The following NTRK1 variants were observed in gnomAD, a reference collection of about 807,000 sequenced individuals.
The protein encoded by NTRK1 is high affinity nerve growth factor receptor.
A neutral mutation model predicts 86.8 loss-of-function variants in NTRK1; 62 were observed. The observed-to-expected ratio is 0.71, with a 90% CI of 0.58 to 0.88. The LOEUF is 0.88. Among genes scored for constraint, NTRK1 ranks in the 40% least tolerant of loss-of-function variants. NTRK1 has a pLI of 0.00. For synonymous variants in NTRK1, 469 were observed against 456.6 expected (o/e 1.03, Z -0.35); for missense variants, 967 against 1,078.4 (o/e 0.90, Z 1.45).
chr1:156,823,166 G>T (rs1654233517), intron 1 of NTRK1, among the ~76,000 whole-genome samples: 1 of 152,182 alleles, frequency 6.6e-6, no homozygotes, highest in African/African-American at 2.4e-5. Flanking sequence ...CAAATAAGTT[G>T]CTGGATGTAA....
In NTRK1 at chr1:156,844,628, A is replaced by G. The variant is rs766331625; in HGVS notation, c.50+2435A>G. 15 of 1,614,026 alleles carry G rather than the reference A, an allele frequency of 9.3e-6. No homozygotes were observed. In the East Asian group the frequency reaches 3.3e-4, roughly 36 times the overall value. ...ACACACACAGCACTGTGGCCTCCTG[A>G]GAGTAACGCAGAACAGCTGGCTGGG... On this transcript the variant is annotated intron_variant, in intron 2 of 16. Coordinates refer to the NTRK1 transcript ENST00000392302.
At chr1:156,853,840 C>A in intron 2 of NTRK1, 1 of 1,613,912 alleles carries the variant, frequency 6.2e-7, no homozygotes, top group Non-Finnish European at 8.5e-7. Context: ...CAGCACCCAG[C>A]ACACCAGGGC....
intron 1 of NTRK1, among the ~76,000 whole-genome samples, chr1:156,834,649 G>A (rs2102845248): frequency 6.6e-6 from 1 of 152,088 alleles, no homozygotes; most frequent in Non-Finnish European, 1.5e-5. Flanking sequence ...AAAACTCTTT[G>A]CCACTATAAA....
intron 2 of NTRK1, chr1:156,849,221 A>G (rs1655118987): frequency 6.2e-7 from 1 of 1,611,166 alleles, no homozygotes; most frequent in East Asian, 2.2e-5. Context: ...CCGCGTGTCC[A>G]CCGGCACTGG....
At chr1:156,865,614 G>A (rs542342236) in intron 3 of NTRK1, among the ~76,000 whole-genome samples, 9 of 152,282 alleles carry the variant, frequency 5.9e-5, no homozygotes, top group Non-Finnish European at 1.2e-4. Flanking sequence ...TTAAGAGTCA[G>A]GGTCTCCCTC....
rs372329556 is a variant in NTRK1 at position 156,844,261 on chromosome 1, C to A, written c.50+2068C>A. On this transcript the variant is annotated intron_variant, in intron 2 of 16. Transcript: ENST00000392302. ...GGGTGGCAGTGAGGAGGACATGCAG[C>A]CCCCCAGCATCCTCCTCCTCTGGCA... is the stretch of plus-strand genomic sequence containing the variant. 6 of 1,612,890 alleles carry A rather than the reference C, an allele frequency of 3.7e-6. No homozygotes were observed. In the African/African-American group the frequency reaches 4.0e-5, roughly 11 times the overall value.
intron 1 of NTRK1, among the ~76,000 whole-genome samples, chr1:156,819,728 A>T (rs1437424207): frequency 2.6e-5 from 4 of 151,934 alleles, no homozygotes; most frequent in Non-Finnish European, 1.5e-5. Flanking sequence ...CATGTTGGTC[A>T]GGCTGGTCTG....
chr1:156,861,206 G>A (rs1340567622), intron 1 of NTRK1, 60 bp downstream of exon 1: 2 of 1,513,538 alleles, frequency 1.3e-6, no homozygotes, highest in Non-Finnish European at 1.8e-6. Flanking sequence ...AGTGCCCCGA[G>A]GGCGCGGACT....
chr1:156,840,802 G>A, intron 1 of NTRK1: 1 of 1,180,664 alleles, frequency 8.5e-7, no homozygotes, highest in Non-Finnish European at 1.2e-6. Context: ...GAACATTCAG[G>A]CGTCTCAGCC....
Position 156,871,722 on chromosome 1 carries a change from C to T in NTRK1, c.817C>T (p.Arg273Trp), listed in dbSNP as rs151334385. The T allele has an allele frequency of 2.2e-5, 35 of 1,614,036 alleles. No individual in the cohort carries two copies. The highest frequency in any genetic ancestry group is 8.3e-5 in the Admixed American group (5 of 60,002). Residue 273 changes from arginine to tryptophan, a missense_variant, in exon 7 of 17, where the codon CGG becomes TGG. Arg to Trp is a moderately radical substitution (Grantham distance 101). This residue lies in a region of NTRK1 where 637 missense variants were observed against 776.5 expected (regional missense o/e 0.82). Transcript: ENST00000524377. Reference protein sequence around the residue: ...VTCWAENDVGRAEVSVQVNVS... With the variant: ...VTCWAENDVGWAEVSVQVNVS... ...GTGCTGGGCAGAGAACGATGTGGGC[C>T]GGGCAGAGGTCTCTGTTCAGGTCAA...
Position 156,843,261 on chromosome 1 carries a change from G to A in NTRK1, c.50+1068G>A, listed in dbSNP as rs373273429. The A allele has an allele frequency of 2.4e-5, 38 of 1,604,642 alleles. No individual in the cohort carries two copies. In the East Asian group the frequency reaches 5.4e-4, roughly 23 times the overall value. ...GCAAGGAGGTGGAGGGTCACAAAGC[G>A]AGGATGCTGCTCTCTGCCACACCTC... On this transcript the variant is annotated intron_variant, in intron 2 of 16. Transcript: ENST00000392302.
chr1:156,845,011 A>T, intron 2 of NTRK1: 4 of 1,549,246 alleles, frequency 2.6e-6, no homozygotes, highest in Non-Finnish European at 3.5e-6. Flanking sequence ...GTCAAACCCC[A>T]AACCTTTGCA....
At chr1:156,855,044 AG>A in intron 2 of NTRK1, among the ~76,000 whole-genome samples, 1 of 152,204 alleles carries the variant, frequency 6.6e-6, no homozygotes, top group Non-Finnish European at 1.5e-5. Context: ...AAGCCAGCAA[AG>A]CTTCTGCCTT....
At chr1:156,849,547 G>A in intron 2 of NTRK1, 1 of 1,009,136 alleles carries the variant, frequency 9.9e-7, no homozygotes, top group Non-Finnish European at 1.5e-6. Context: ...TCCTGGAAGG[G>A]TTTTGCTGGG....
chr1:156,860,900 G>A lies in NTRK1; in HGVS notation c.-35G>A, dbSNP rs945643251. On this transcript the variant is annotated 5_prime_UTR_variant, in exon 1 of 17. Transcript: ENST00000524377. Reference sequence around the variant, plus strand: ...CAGCTGCAGCTGGGAGCGCACAGACGGCTGCCCCGCCTGAGCGAGGCGGGC... The same window carrying A: ...CAGCTGCAGCTGGGAGCGCACAGACAGCTGCCCCGCCTGAGCGAGGCGGGC... 2 of 1,420,222 alleles carry A rather than the reference G, an allele frequency of 1.4e-6. No homozygotes were observed. Among genetic ancestry groups the A allele is most frequent in the Non-Finnish European group, 1.8e-6 (2 of 1,099,512 alleles). 88.0% of individuals were successfully genotyped at this position (1,420,222 alleles called of 1,614,324 possible). A position where few individuals can be genotyped will look rare whatever the true frequency, so the allele number is the denominator to read the frequency against.
intron 2 of NTRK1, chr1:156,846,754 TG>T (rs1431130480): frequency 6.2e-7 from 1 of 1,612,904 alleles, no homozygotes; most frequent in East Asian, 2.2e-5. Flanking sequence ...CGTTCTGGAA[TG>T]GGCTGAACAC....
intron 2 of NTRK1, chr1:156,845,576 C>A: frequency 7.1e-7 from 1 of 1,402,270 alleles, no homozygotes. Flanking sequence ...CCCTCACAGG[C>A]CCCACTCATC....
intron 1 of NTRK1, among the ~76,000 whole-genome samples, chr1:156,838,634 T>G (rs1345614198): frequency 6.6e-6 from 1 of 152,236 alleles, no homozygotes; most frequent in Non-Finnish European, 1.5e-5. Flanking sequence ...TTAAATCCAC[T>G]TCTTTTCTAG....
At chr1:156,847,642 A>G (rs1405017792) in intron 2 of NTRK1, among the ~76,000 whole-genome samples, 2 of 151,962 alleles carry the variant, frequency 1.3e-5, no homozygotes, top group Admixed American at 6.6e-5. Flanking sequence ...GTTGGGACCT[A>G]TAAGCAGGAT....
Sources: gnomAD v4.1 joint callset for allele counts (sites outside exome capture counted in the v4.1 genomes callset) on GRCh38, gnomAD v4.1.1 for gene constraint, gnomAD v4.1.1 regional missense constraint, MANE v1.5 for transcripts, NCBI Gene and HGNC (gene_info 2026-07-23, HGNC 2026-07-21) for gene names.